Variants in KIF3A observed in about 807,000 individuals in gnomAD.
KIF3A encodes the protein kinesin-like protein KIF3A.
KIF3A carries 27 observed loss-of-function variants against 92.6 expected under a neutral mutation model. That is an observed-to-expected ratio of 0.29 (90% confidence interval 0.21 to 0.40). The LOEUF (loss-of-function observed/expected upper bound fraction) is 0.40, where lower values mean the gene tolerates loss of function less well. KIF3A is among the 10% of genes least tolerant of loss of function. KIF3A has a pLI of 1.00. For missense variants in KIF3A, 581 were observed against 872.6 expected, an observed-to-expected ratio of 0.67 and a Z score of 4.21; for synonymous variants, 250 against 275.4, an observed-to-expected ratio of 0.91 and a Z score of 0.92.
chr5:132,715,196 C>G (rs1753576957), intron 8 of KIF3A, among the ~76,000 whole-genome samples: 1 of 152,168 alleles, frequency 6.6e-6, no homozygotes. Context: ...TGGGAAGCGT[C>G]TCACTCTCAT....
At chr5:132,717,090 G>C in intron 5 of KIF3A, 106 bp from the exon 6 acceptor site, 2 of 1,101,500 alleles carry the variant, frequency 1.8e-6, no homozygotes, top group Non-Finnish European at 2.6e-6. Context: ...ACAATCAAAA[G>C]CCAGAGAGCA....
chr5:132,704,377 G>C (rs12186803), intron 11 of KIF3A, among the ~76,000 whole-genome samples: 2 of 151,516 alleles, frequency 1.3e-5, no homozygotes, highest in African/African-American at 4.8e-5. Flanking sequence ...CCCTAAGTCA[G>C]AGTAAACATG....
At chr5:132,718,626 GTTGTT>G (rs990497384) in intron 5 of KIF3A, among the ~76,000 whole-genome samples, 4 of 149,366 alleles carry the variant, frequency 2.7e-5, no homozygotes, top group Admixed American at 6.7e-5. Flanking sequence ...TTTTTTTGTT[GTTGTT>G]TTGTTTTGTT....
At chr5:132,709,048 G>C in intron 9 of KIF3A, 70 bp from the exon 10 acceptor site, 2 of 1,185,210 alleles carry the variant, frequency 1.7e-6, no homozygotes, top group East Asian at 2.6e-5. Flanking sequence ...CACACACACA[G>C]AGAAAAATTC....
intron 8 of KIF3A, among the ~76,000 whole-genome samples, chr5:132,711,581 C>T (rs73256718): frequency 0.023 from 3,003 of 131,272 alleles, 109 homozygotes; most frequent in African/African-American, 0.074. Context: ...AACAGAGTGA[C>T]TCTGTCTCAA....
Position 132,695,859 on chromosome 5 carries a change from TG to T in KIF3A, c.*774del, listed in dbSNP as rs944625477. The T allele has an allele frequency of 6.6e-6, 1 of 152,316 alleles. No homozygotes were observed. The highest frequency in any genetic ancestry group is 1.5e-5 in the Non-Finnish European group (1 of 68,028). 9.4% of individuals were successfully genotyped at this position (152,316 alleles called of 1,614,324 possible). A position where few individuals can be genotyped will look rare whatever the true frequency, so the allele number is the denominator to read the frequency against. ...AAATATACACGCAGGCAAAGATAAC[TG>T]AGCAGTATTTAGCTTCTTAATTTTC... On this transcript the variant is annotated 3_prime_UTR_variant, in exon 19 of 19. Coordinates refer to ENST00000403231, the MANE Select transcript of KIF3A (RefSeq NM_001300791.2).
At position 132,702,428 on chromosome 5, in the gene KIF3A, C is replaced by G. The variant is rs146067703; in HGVS notation, c.1758+130G>C. On this transcript the variant is annotated intron_variant, in intron 14 of 18. Transcript: ENST00000403231. ...GACTAATAGATAAAATTAAAAATTG[C>G]ACATAAAGAAATATTTTATTTCTTT... The G allele has an allele frequency of 8.5e-4, 561 of 659,546 alleles. 4 individuals carry two copies. The African/African-American group carries it at 9.5e-3, about 11-fold the overall frequency. The allele number at this position is 659,546 out of a possible 1,614,324, so 40.9% of individuals were successfully genotyped here. A position where few individuals can be genotyped will look rare whatever the true frequency, so the allele number is the denominator to read the frequency against.
At chr5:132,728,824 C>A (rs1310570139) in intron 2 of KIF3A, among the ~76,000 whole-genome samples, 1 of 152,100 alleles carries the variant, frequency 6.6e-6, no homozygotes, top group Non-Finnish European at 1.5e-5. Flanking sequence ...ATAGTCCCAG[C>A]ACTTTGAGAG....
At position 132,722,232 on chromosome 5, in the gene KIF3A, C is replaced by T. The variant is rs114051946; in HGVS notation, c.511-1518G>A. 6.9e-3 allele frequency among the ~76,000 whole-genome samples: 1,052 copies of T among 152,126 alleles called. 8 individuals are homozygous for T. Among genetic ancestry groups the T allele is most frequent in the African/African-American group, 0.024 (988 of 41,494 alleles). On this transcript the variant is annotated intron_variant, in intron 4 of 18. Transcript: ENST00000403231. ...AAATTCAATTAATAAGTGTATTCAACTAATAACTGACTAGATATGAAAGAT... is the reference window on the plus strand; with the variant it reads ...AAATTCAATTAATAAGTGTATTCAATTAATAACTGACTAGATATGAAAGAT...
At chr5:132,699,559 T>TA in intron 17 of KIF3A, 3 of 496,736 alleles carry the variant, frequency 6.0e-6, no homozygotes, top group Non-Finnish European at 1.2e-5. Flanking sequence ...CTCTTCTTCT[T>TA]CTTTTTTTTT....
At chr5:132,710,369 C>A (rs1753373438) in intron 9 of KIF3A, among the ~76,000 whole-genome samples, 2 of 152,166 alleles carry the variant, frequency 1.3e-5, no homozygotes, top group Non-Finnish European at 2.9e-5. Flanking sequence ...GTAGTCCCAG[C>A]ACTTTGGGAG....
rs777457065 is a variant in KIF3A, at chr5:132,715,881, T to C, written c.1005A>G (p.Thr335=). 20 of 1,607,206 alleles carry C rather than the reference T, an allele frequency of 1.2e-5. No homozygotes were observed. The highest frequency in any genetic ancestry group is 1.6e-5 in the Non-Finnish European group (19 of 1,176,228). Residue 335 remains threonine, a synonymous_variant, in exon 8 of 19, where the codon ACA becomes ACG. Coordinates refer to ENST00000403231, the MANE Select transcript of KIF3A (RefSeq NM_001300791.2). The part of the protein sequence containing the change: ...ADYNYDETIS[T]LRYANRAKNI... ...TCTTAGCACGATTGGCATACCGTAA[T>C]GTACTGATAGTTTCATCATAATTGT...
In KIF3A at chr5:132,702,967, T is replaced by G. The variant is rs142021437; in HGVS notation, c.1565A>C (p.Lys522Thr). The G allele has an allele frequency of 2.9e-5, 47 of 1,613,080 alleles. No homozygotes were observed. The highest frequency in any genetic ancestry group is 3.8e-5 in the Non-Finnish European group (45 of 1,179,706). The change falls in exon 13 of 19, where the codon AAA (lysine) becomes ACA (threonine). Residue 522 changes from lysine to threonine, a missense_variant. This residue lies in a region of KIF3A where 45 missense variants were observed against 115.8 expected (regional missense o/e 0.39). Transcript: ENST00000403231. ...TTCCATGTTAGATTCTTCAAGAAGTTTCTCTTGTTCCTCAGCTTTGGCCAA... is the reference window on the plus strand; with the variant it reads ...TTCCATGTTAGATTCTTCAAGAAGTGTCTCTTGTTCCTCAGCTTTGGCCAA... The part of the protein sequence containing the change: ...DLLAKAEEQE[K>T]LLEESNMELE...
At chr5:132,692,402 T>G (rs1322081359), downstream of KIF3A, 1 of 152,218 alleles carries the variant, frequency 6.6e-6, no homozygotes, top group Non-Finnish European at 1.5e-5. Context: ...AACCTTCACA[T>G]GTACCGCCAA....
chr5:132,737,364 C>T, intron 1 of KIF3A, 50 bp downstream of exon 1: 1 of 1,583,684 alleles, frequency 6.3e-7, no homozygotes, highest in Non-Finnish European at 8.6e-7. Context: ...GCCCCCGGGC[C>T]AGGCCGCTAG....
rs183172537 is a variant in KIF3A at position 132,727,358 on chromosome 5, G to T, written c.281-860C>A. On this transcript the variant is annotated intron_variant, in intron 2 of 18. Transcript: ENST00000403231. ...GAGTATTCAGAATGAGAAACAGGGA[G>T]TTCTAGATGGGAGTCAGGGACATCA... Among the ~76,000 whole-genome samples the T allele has an allele frequency of 1.9e-3, 289 of 152,300 alleles. 3 individuals are homozygous for T. Among genetic ancestry groups the T allele is most frequent in the African/African-American group, 6.7e-3 (280 of 41,562 alleles).
At chr5:132,726,321 T>G (rs1207770813) in intron 3 of KIF3A, 33 bp downstream of exon 3, 5 of 1,608,960 alleles carry the variant, frequency 3.1e-6, no homozygotes, top group Non-Finnish European at 4.3e-6. Flanking sequence ...TTTGTACTTC[T>G]CAATATCAGA....
intron 2 of KIF3A, among the ~76,000 whole-genome samples, chr5:132,733,516 C>T (rs1392294827): frequency 2.0e-5 from 3 of 152,182 alleles, no homozygotes; most frequent in Admixed American, 6.5e-5. Flanking sequence ...CATGGGAAAT[C>T]CCAGGGCTTT....
intron 11 of KIF3A, 73 bp from the exon 12 acceptor site, chr5:132,703,692 C>T (rs1190029665): frequency 2.7e-6 from 3 of 1,114,148 alleles, no homozygotes; most frequent in Non-Finnish European, 2.6e-6. Flanking sequence ...TTACCTCCTT[C>T]AATATAGAAA....
Sources: gnomAD v4.1 joint callset for allele counts (sites outside exome capture counted in the v4.1 genomes callset) on GRCh38, gnomAD v4.1.1 for gene constraint, gnomAD v4.1.1 regional missense constraint, MANE v1.5 for transcripts, NCBI Gene and HGNC (gene_info 2026-07-23, HGNC 2026-07-21) for gene names.